ITGAE: variants seen among roughly 807,000 people sequenced by gnomAD.
ITGAE encodes integrin alpha-E.
ITGAE carries 99 observed loss-of-function variants against 136.5 expected under a neutral mutation model. The ratio of observed to expected loss-of-function variants is 0.73; its 90% CI spans 0.62 to 0.86. ITGAE has a LOEUF of 0.86. Ranked by LOEUF, ITGAE falls within the 40% of genes least tolerant of loss-of-function variation. ITGAE has a pLI of 0.00. For synonymous variants in ITGAE, 613 were observed against 591.8 expected (o/e 1.04, Z -0.52); for missense variants, 1,447 against 1,515.3 (o/e 0.95, Z 0.75).
intron 1 of ITGAE, among the ~76,000 whole-genome samples, chr17:3,785,804 A>G (rs2052779113): frequency 6.6e-6 from 1 of 151,322 alleles, no homozygotes; most frequent in Non-Finnish European, 1.5e-5. Flanking sequence ...AAAAAAAAAG[A>G]GAACACACAA....
At chr17:3,797,143 ATATATATATATATATT>A (rs1436724189) in intron 1 of ITGAE, among the ~76,000 whole-genome samples, 523 of 40,936 alleles carry the variant, frequency 0.013, 11 homozygotes, top group African/African-American at 0.034. Flanking sequence ...GAAACTAAAT[ATATATATATATATATT>A]TTTTTTTTTT....
intron 1 of ITGAE, among the ~76,000 whole-genome samples, chr17:3,797,252 G>A (rs1202732025): frequency 7.0e-5 from 10 of 142,668 alleles, no homozygotes; most frequent in Admixed American, 1.5e-4. Flanking sequence ...TGCAAGCTCC[G>A]CCTCCCGGGT....
At chr17:3,759,316 C>T (rs1294632675) in intron 8 of ITGAE, 86 bp downstream of exon 8, 35 of 1,468,414 alleles carry the variant, frequency 2.4e-5, no homozygotes, top group Middle Eastern at 1.7e-4. Flanking sequence ...TCTTCTCCTG[C>T]GGTTCTGGCC....
At chr17:3,779,991 A>T (rs1337223309) in intron 1 of ITGAE, among the ~76,000 whole-genome samples, 2 of 151,940 alleles carry the variant, frequency 1.3e-5, no homozygotes, top group African/African-American at 4.8e-5. Flanking sequence ...TTATTTTTTT[A>T]AGATGGAGTT....
chr17:3,731,335 C>CTTTTTTTTTTTTTTTTTTTTTTTTTTT (rs78134599), intron 22 of ITGAE, 152 bp from the exon 23 acceptor site: 1 of 359,972 alleles, frequency 2.8e-6, no homozygotes, highest in Non-Finnish European at 5.2e-6. Flanking sequence ...CTTTCCCTTC[C>CTTTTTTTTTTTTTTTTTTTTTTTTTTT]TTTTTTTTTT....
chr17:3,736,206 G>A (rs2051456767), intron 20 of ITGAE, among the ~76,000 whole-genome samples: 2 of 152,114 alleles, frequency 1.3e-5, no homozygotes, highest in South Asian at 4.1e-4. Flanking sequence ...CTATTCAGGA[G>A]GCTGAGGCAG....
At position 3,777,638 on chromosome 17, in the gene ITGAE, G is replaced by A. The variant is rs771805204; in HGVS notation, c.57C>T (p.Phe19=). ...CIASLALLAA[F]NVDVARPWLT... ...GCCAGGGCCGGGCCACATCCACATT[G>A]AAAGCGGCCAGCAGGGCCAGGCCTG... Residue 19 remains phenylalanine, a synonymous_variant, in exon 2 of 31, where the codon TTC becomes TTT. Coordinates refer to ENST00000263087, the MANE Select transcript of ITGAE (RefSeq NM_002208.5). 85 of 1,613,486 alleles carry A rather than the reference G, an allele frequency of 5.3e-5. No homozygotes were observed. The highest frequency in any genetic ancestry group is 6.4e-5 in the Non-Finnish European group (76 of 1,179,808).
chr17:3,776,215 G>A (rs919416544), intron 2 of ITGAE, among the ~76,000 whole-genome samples: 1 of 151,770 alleles, frequency 6.6e-6, no homozygotes, highest in East Asian at 1.9e-4. Flanking sequence ...GTACCACCAC[G>A]CCCAGATAAT....
rs755917341 is a variant in ITGAE, at chr17:3,757,008, G to T, written c.1147C>A (p.Arg383=). 4 of 1,613,990 alleles carry T rather than the reference G, an allele frequency of 2.5e-6. No individual in the cohort carries two copies. The highest frequency in any genetic ancestry group is 1.7e-5 in the Admixed American group (1 of 59,980). ...MALDGLLSKL[R]YNIISMEGTV... ...CCTTCCATGCTGATGATGTTGTACC[G>T]CAGTTTGCTCAGCAGCCCATCCAGC... The change falls in exon 10 of 31, where the codon CGG becomes AGG. Residue 383 remains arginine (R), a synonymous_variant. Transcript: ENST00000263087.
intron 16 of ITGAE, among the ~76,000 whole-genome samples, chr17:3,750,103 T>C (rs998458045): frequency 6.6e-6 from 1 of 152,224 alleles, no homozygotes; most frequent in African/African-American, 2.4e-5. Flanking sequence ...GCTTGCATGA[T>C]CCTCATAGCT....
intron 22 of ITGAE, 135 bp from the exon 23 acceptor site, chr17:3,731,318 A>C: frequency 1.7e-6 from 1 of 579,246 alleles, no homozygotes; most frequent in Non-Finnish European, 3.0e-6. Context: ...CTAACACAGC[A>C]TGTTTCCTTT....
chr17:3,770,253 G>A (rs1452417857), intron 2 of ITGAE, among the ~76,000 whole-genome samples: 1 of 151,260 alleles, frequency 6.6e-6, no homozygotes, highest in Non-Finnish European at 1.5e-5. Flanking sequence ...CTGAGTAGCT[G>A]GAATTACAGG....
At chr17:3,719,122 G>C (rs1166067065) in intron 29 of ITGAE, among the ~76,000 whole-genome samples, 1 of 151,264 alleles carries the variant, frequency 6.6e-6, no homozygotes. Flanking sequence ...TGTAATCCCA[G>C]CTACTCGGGA....
chr17:3,759,689 C>A (rs2052118007), intron 7 of ITGAE, 136 bp from the exon 8 acceptor site: 1 of 1,040,426 alleles, frequency 9.6e-7, no homozygotes, highest in South Asian at 1.5e-5. Flanking sequence ...TAAGGCAGAG[C>A]AAAATCTCTA....
At chr17:3,782,691 T>G (rs1021445435) in intron 1 of ITGAE, among the ~76,000 whole-genome samples, 2 of 152,152 alleles carry the variant, frequency 1.3e-5, no homozygotes, top group Non-Finnish European at 2.9e-5. Context: ...AAAAGCAAGG[T>G]GAAGTCCAGT....
In ITGAE at chr17:3,740,288, G is replaced by A. The variant is rs147719270; in HGVS notation, c.2449-410C>T. On this transcript the variant is annotated intron_variant, in intron 19 of 30. Coordinates refer to ENST00000263087, the MANE Select transcript of ITGAE (RefSeq NM_002208.5). ...CTTTCGGATATAGGCAGAACAGCCC[G>A]GGCAGGAGTGGGGGATGCCTAGCCA... Among the ~76,000 whole-genome samples, 65 of 152,352 alleles carry A rather than the reference G, an allele frequency of 4.3e-4. 1 individual carries two copies. The highest frequency in any genetic ancestry group is 7.2e-4 in the Admixed American group (11 of 15,298).
At chr17:3,737,367 C>T (rs1029726940) in intron 20 of ITGAE, among the ~76,000 whole-genome samples, 31 of 151,380 alleles carry the variant, frequency 2.0e-4, no homozygotes, top group African/African-American at 9.8e-5. Flanking sequence ...GCAAATGAAA[C>T]GAAAAAGAGG....
intron 20 of ITGAE, 40 bp from the exon 21 acceptor site, chr17:3,734,989 T>C (rs1338367222): frequency 1.2e-6 from 2 of 1,611,996 alleles, no homozygotes; most frequent in Non-Finnish European, 8.5e-7. Flanking sequence ...GTTTATTTCA[T>C]CTGTAAAAAC....
In ITGAE at chr17:3,782,734, T is replaced by C. The variant is rs569659588; in HGVS notation, c.35-5074A>G. 9.3e-4 allele frequency among the ~76,000 whole-genome samples: 141 copies of C among 152,286 alleles called. 1 individual carries two copies. The highest frequency in any genetic ancestry group is 8.5e-3 in the South Asian group (41 of 4,830). On this transcript the variant is annotated intron_variant, in intron 1 of 30. Transcript: ENST00000263087. Reference sequence around the variant, plus strand: ...CTTACCTGTTCAATTACTGTTCAATTAACGACTTTTGCCATAAACACTCTT... The same window carrying C: ...CTTACCTGTTCAATTACTGTTCAATCAACGACTTTTGCCATAAACACTCTT...
Sources: gnomAD v4.1 joint callset for allele counts (sites outside exome capture counted in the v4.1 genomes callset) on GRCh38, gnomAD v4.1.1 for gene constraint, MANE v1.5 for transcripts, NCBI Gene and HGNC (gene_info 2026-07-23, HGNC 2026-07-21) for gene names.